The following TNKS variants were observed in gnomAD, a reference collection of about 807,000 sequenced individuals.
TNKS encodes the protein poly [ADP-ribose] polymerase tankyrase-1.
A neutral mutation model predicts 135.8 loss-of-function variants in TNKS; 72 were observed. The ratio of observed to expected loss-of-function variants is 0.53; its 90% confidence interval spans 0.44 to 0.64. The LOEUF is 0.64. TNKS is among the 30% of genes least tolerant of loss of function. TNKS has a pLI of 0.00. For synonymous variants in TNKS, 849 were observed against 649.3 expected, an observed-to-expected ratio of 1.31 and a Z score of -4.68; for missense variants, 1,769 against 1,674.0, an observed-to-expected ratio of 1.06 and a Z score of -0.99.
chr8:9,631,840 C>G (rs1042969402), intron 3 of TNKS, among the ~76,000 whole-genome samples: 8 of 151,368 alleles, frequency 5.3e-5, no homozygotes, highest in Non-Finnish European at 1.0e-4. Flanking sequence ...GCAGATATAG[C>G]TAAGAAATGG....
intron 12 of TNKS, among the ~76,000 whole-genome samples, chr8:9,721,431 A>G (rs1804876550): frequency 6.6e-6 from 1 of 151,672 alleles, no homozygotes; most frequent in Non-Finnish European, 1.5e-5. Flanking sequence ...AGAGGAAGTA[A>G]TGCAGTCTAC....
At chr8:9,604,608 G>A (rs1799148907) in intron 2 of TNKS, among the ~76,000 whole-genome samples, 1 of 151,658 alleles carries the variant, frequency 6.6e-6, no homozygotes, top group South Asian at 2.1e-4. Flanking sequence ...CCTTCTTATA[G>A]TTGTTGTTCC....
chr8:9,771,693 GAGA>G lies in TNKS; in HGVS notation c.3897+1432_3897+1434del, dbSNP rs1563225824. On this transcript the variant is annotated intron_variant, in intron 26 of 26. Coordinates refer to ENST00000310430, the MANE Select transcript of TNKS (RefSeq NM_003747.3). ...AGGAAGGGAGGGAGAGAGAGAGAGA[GAGA>G]GAGGAAGGGAGAAAGCGAGAGAGGA... is the stretch of plus-strand genomic sequence containing the variant. 2.4e-3 allele frequency among the ~76,000 whole-genome samples: 312 copies of G among 130,962 alleles called. 4 individuals carry two copies. Among genetic ancestry groups the G allele is most frequent in the African/African-American group, 9.4e-3 (300 of 32,032 alleles). The allele number at this position is 130,962 out of a possible 152,430, so 85.9% of individuals were successfully genotyped here.
Position 9,734,799 on chromosome 8 carries a change from C to A in TNKS, c.2314-66C>A, listed in dbSNP as rs566740022. The A allele has an allele frequency of 1.5e-4, 183 of 1,209,322 alleles. No individual in the cohort carries two copies. In the African/African-American group the frequency reaches 2.6e-3, roughly 17 times the overall value. 74.9% of individuals were successfully genotyped at this position (1,209,322 alleles called of 1,614,324 possible). A position where few individuals can be genotyped will look rare whatever the true frequency, so the allele number is the denominator to read the frequency against. ...GAACAAAGGTAGAGTAAATTAATTACCTACCTACCTACCTACCTACTTACT... is the reference window on the plus strand; with the variant it reads ...GAACAAAGGTAGAGTAAATTAATTAACTACCTACCTACCTACCTACTTACT... On this transcript the variant is annotated intron_variant, in intron 15 of 26. Transcript: ENST00000310430.
intron 7 of TNKS, 105 bp downstream of exon 7, chr8:9,706,358 TG>T (rs572477852): frequency 1.1e-6 from 1 of 902,650 alleles, no homozygotes. Context: ...TTTAGTTCTT[TG>T]GGGTTTTTTG....
At chr8:9,685,443 CT>C (rs1318862461) in intron 5 of TNKS, among the ~76,000 whole-genome samples, 3 of 152,106 alleles carry the variant, frequency 2.0e-5, no homozygotes, top group African/African-American at 7.2e-5. Flanking sequence ...ACACAGTAAC[CT>C]TTAGAAAATT....
Position 9,680,648 on chromosome 8 carries a change from C to T in TNKS, c.1032-77C>T, listed in dbSNP as rs546996074. Reference sequence around the variant, plus strand: ...TCAAAGCAAACCCATATTTTACTCTCGTGTGAAAAAATTATGCATAAATAT... The same window carrying T: ...TCAAAGCAAACCCATATTTTACTCTTGTGTGAAAAAATTATGCATAAATAT... On this transcript the variant is annotated intron_variant, in intron 4 of 26. Coordinates refer to ENST00000310430, the MANE Select transcript of TNKS (RefSeq NM_003747.3). 2.4e-5 allele frequency: 23 copies of T among 967,510 alleles called. No individual in the cohort carries two copies. The East Asian group carries it at 3.9e-4, about 16-fold the overall frequency. 59.9% of individuals were successfully genotyped at this position (967,510 alleles called of 1,614,324 possible). A position where few individuals can be genotyped will look rare whatever the true frequency, so the allele number is the denominator to read the frequency against.
At chr8:9,637,208 G>A (rs1473134451) in intron 3 of TNKS, among the ~76,000 whole-genome samples, 1 of 152,134 alleles carries the variant, frequency 6.6e-6, no homozygotes, top group African/African-American at 2.4e-5. Context: ...TCCTAGATAA[G>A]GAATGCTTTT....
chr8:9,652,693 A>G (rs1451923776), intron 3 of TNKS, among the ~76,000 whole-genome samples: 1 of 152,200 alleles, frequency 6.6e-6, no homozygotes, highest in Non-Finnish European at 1.5e-5. Context: ...AATAAGAAAC[A>G]ATTGTTAGTA....
At chr8:9,746,140 G>C (rs1363537215) in intron 17 of TNKS, among the ~76,000 whole-genome samples, 1 of 152,134 alleles carries the variant, frequency 6.6e-6, no homozygotes, top group Non-Finnish European at 1.5e-5. Flanking sequence ...AACTGACCAA[G>C]TTATGCCCAG....
intron 3 of TNKS, among the ~76,000 whole-genome samples, chr8:9,653,914 T>G (rs1222019741): frequency 2.0e-5 from 3 of 152,188 alleles, no homozygotes; most frequent in African/African-American, 7.2e-5. Context: ...ACCAGATGAC[T>G]TCAGCCTCTG....
At chr8:9,569,220 A>T (rs560374101) in intron 1 of TNKS, among the ~76,000 whole-genome samples, 1 of 152,118 alleles carries the variant, frequency 6.6e-6, no homozygotes. Flanking sequence ...TCCTGTCATC[A>T]CTCCCTGGAC....
At position 9,779,950 on chromosome 8, in the gene TNKS, C is replaced by T. The variant is rs934962545; in HGVS notation, c.*3214C>T. 6.6e-6 allele frequency: 1 copy of T among 152,178 alleles called. No homozygotes were observed. The highest frequency in any genetic ancestry group is 2.4e-5 in the African/African-American group (1 of 41,438). The allele number at this position is 152,178 out of a possible 1,614,324, so 9.4% of individuals were successfully genotyped here. A position where few individuals can be genotyped will look rare whatever the true frequency, so the allele number is the denominator to read the frequency against. On this transcript the variant is annotated 3_prime_UTR_variant, in exon 27 of 27. Transcript: ENST00000310430. ...AATAGCATCCTTATACTTCTTTGAG[C>T]TTGATGTTAGTGGCTAGACTGATTT...
intron 5 of TNKS, among the ~76,000 whole-genome samples, chr8:9,681,391 A>T (rs552448260): frequency 6.6e-6 from 1 of 152,264 alleles, no homozygotes; most frequent in South Asian, 2.1e-4. Flanking sequence ...GGTAATATAT[A>T]AAATATACAG....
intron 3 of TNKS, among the ~76,000 whole-genome samples, chr8:9,657,252 G>A (rs1801426897): frequency 3.5e-5 from 4 of 113,344 alleles, no homozygotes; most frequent in African/African-American, 6.5e-5. Context: ...GCGGGGGGCC[G>A]ACCCCCCCAC....
chr8:9,707,143 G>A (rs774500164), intron 8 of TNKS, 146 bp downstream of exon 8: 29 of 703,882 alleles, frequency 4.1e-5, no homozygotes, highest in African/African-American at 9.3e-5. Context: ...TTTTCTTCAT[G>A]AATTCCATGG....
rs192388392 is a variant in TNKS, at chr8:9,779,192, G to T, written c.*2456G>T. 6.6e-6 allele frequency: 1 copy of T among 152,620 alleles called. No homozygotes were observed. The highest frequency in any genetic ancestry group is 1.9e-4 in the East Asian group (1 of 5,182). 9.5% of individuals were successfully genotyped at this position (152,620 alleles called of 1,614,324 possible). Reference sequence around the variant, plus strand: ...AGAGGAGCCAAATACATTTTTTTCAGAACTTGAAAACCAAAGGTCATCATG... The same window carrying T: ...AGAGGAGCCAAATACATTTTTTTCATAACTTGAAAACCAAAGGTCATCATG... On this transcript the variant is annotated 3_prime_UTR_variant, in exon 27 of 27. Coordinates refer to ENST00000310430, the MANE Select transcript of TNKS (RefSeq NM_003747.3).
intron 2 of TNKS, among the ~76,000 whole-genome samples, chr8:9,587,117 T>TTAA (rs1297699595): frequency 6.6e-6 from 1 of 152,178 alleles, no homozygotes; most frequent in Non-Finnish European, 1.5e-5. Context: ...ACAGATGGAA[T>TTAA]TTTGGTTGCT....
chr8:9,622,970 G>A (rs1025204533), intron 3 of TNKS, among the ~76,000 whole-genome samples: 1 of 152,018 alleles, frequency 6.6e-6, no homozygotes, highest in Non-Finnish European at 1.5e-5. Context: ...TCATAAATTA[G>A]GCACAGTAAG....
Sources: allele counts gnomAD v4.1 joint callset (sites outside exome capture counted in the v4.1 genomes callset), GRCh38; gene constraint gnomAD v4.1.1; transcripts MANE v1.5; gene names NCBI Gene and HGNC (gene_info 2026-07-23, HGNC 2026-07-21).